DENND1A: variants seen among roughly 807,000 people sequenced by gnomAD.
DENND1A encodes DENN domain-containing protein 1A.
Under a neutral mutation model 113.7 loss-of-function variants are expected in DENND1A, and 51 were observed. The observed-to-expected ratio is 0.45, with a 90% CI of 0.36 to 0.57. DENND1A has a LOEUF of 0.57. Ranked by LOEUF, DENND1A falls within the 20% of genes least tolerant of loss-of-function variation. The pLI is 0.00. For missense variants in DENND1A, 1,258 were observed against 1,395.9 expected (o/e 0.90, Z 1.57); for synonymous variants, 565 against 570.8 (o/e 0.99, Z 0.14).
chr9:123,709,900 C>G (rs746031550), intron 5 of DENND1A, among the ~76,000 whole-genome samples: 3 of 152,116 alleles, frequency 2.0e-5, no homozygotes, highest in Non-Finnish European at 4.4e-5. Flanking sequence ...AATATTGGTT[C>G]GGCAACCACT....
At position 123,733,321 on chromosome 9, in the gene DENND1A, C is replaced by A. The variant is rs570385660; in HGVS notation, c.302+24382G>T. ...TAAAGACAGGATCTGACTCTGTTGC[C>A]CAGGCTGGAGTGCAGTGGTGTGATC... On this transcript the variant is annotated intron_variant, in intron 5 of 23. Coordinates refer to ENST00000394215, the MANE Select transcript of DENND1A (RefSeq NM_001352964.2). 1.4e-4 allele frequency among the ~76,000 whole-genome samples: 22 copies of A among 152,184 alleles called. No individual in the cohort carries two copies. The South Asian group carries it at 4.4e-3, about 30-fold the overall frequency.
chr9:123,459,052 G>A (rs539976071), intron 13 of DENND1A, among the ~76,000 whole-genome samples: 35 of 152,252 alleles, frequency 2.3e-4, no homozygotes, highest in African/African-American at 7.7e-4. Flanking sequence ...GTGCCTGTAA[G>A]CCCAGCTACT....
chr9:123,857,088 A>G (rs1564398683), intron 2 of DENND1A, among the ~76,000 whole-genome samples: 1 of 152,102 alleles, frequency 6.6e-6, no homozygotes, highest in African/African-American at 2.4e-5. Flanking sequence ...ACACCACCAT[A>G]GCAATGAACA....
intron 19 of DENND1A, among the ~76,000 whole-genome samples, chr9:123,421,417 A>G (rs1056489086): frequency 1.3e-5 from 2 of 152,046 alleles, no homozygotes; most frequent in African/African-American, 4.8e-5. Flanking sequence ...GACCCGACAT[A>G]CCAACAGCAG....
chr9:123,660,259 C>T (rs2063164192), intron 8 of DENND1A, among the ~76,000 whole-genome samples: 1 of 152,090 alleles, frequency 6.6e-6, no homozygotes, highest in South Asian at 2.1e-4. Flanking sequence ...ATTGGTATCA[C>T]CATTCTGCTT....
At chr9:123,652,629 C>A (rs1438254477) in intron 8 of DENND1A, among the ~76,000 whole-genome samples, 2 of 152,196 alleles carry the variant, frequency 1.3e-5, no homozygotes, top group Admixed American at 6.5e-5. Context: ...GCAGGAGATG[C>A]CACCCACGAA....
chr9:123,840,896 C>T (rs991075630), intron 2 of DENND1A, among the ~76,000 whole-genome samples: 1 of 152,130 alleles, frequency 6.6e-6, no homozygotes, highest in Non-Finnish European at 1.5e-5. Flanking sequence ...TTTATTGCCT[C>T]ATTTTACAAT....
In DENND1A at chr9:123,818,346, C is replaced by T. The variant is rs559840530; in HGVS notation, c.89-25716G>A. On this transcript the variant is annotated intron_variant, in intron 2 of 23. Coordinates refer to ENST00000394215, the MANE Select transcript of DENND1A (RefSeq NM_001352964.2). ...GTCTTGATCTCCTGACCTTATGATC[C>T]GCCCGCCTAGGCCTCTCAAAGTGCT... 5.9e-5 allele frequency among the ~76,000 whole-genome samples: 9 copies of T among 152,092 alleles called. No homozygotes were observed. The East Asian group carries it at 1.6e-3, about 26-fold the overall frequency.
intron 5 of DENND1A, among the ~76,000 whole-genome samples, chr9:123,701,951 A>G (rs1340972299): frequency 6.6e-6 from 1 of 152,234 alleles, no homozygotes; most frequent in Admixed American, 6.5e-5. Flanking sequence ...CTAAACAGAC[A>G]AAATGAGGTA....
At chr9:123,605,640 G>A (rs2060121813) in intron 11 of DENND1A, among the ~76,000 whole-genome samples, 2 of 152,216 alleles carry the variant, frequency 1.3e-5, no homozygotes, top group Non-Finnish European at 2.9e-5. Flanking sequence ...GTATACACTT[G>A]TCACTTTGGG....
intron 1 of DENND1A, 121 bp from the exon 2 acceptor site, chr9:123,879,142 G>C (rs1253413771): frequency 4.4e-6 from 4 of 916,922 alleles, no homozygotes; most frequent in Non-Finnish European, 5.0e-6. Flanking sequence ...AATGGCCGTG[G>C]AACTTTGGAC....
chr9:123,803,955 T>C (rs1207633244), intron 2 of DENND1A, among the ~76,000 whole-genome samples: 1 of 152,238 alleles, frequency 6.6e-6, no homozygotes, highest in Admixed American at 6.5e-5. Context: ...ACATCAATTA[T>C]CAATCTTTAG....
intron 5 of DENND1A, among the ~76,000 whole-genome samples, chr9:123,686,134 A>C (rs948436963): frequency 3.3e-5 from 5 of 152,192 alleles, no homozygotes; most frequent in African/African-American, 1.2e-4. Flanking sequence ...AGAGAGTAGA[A>C]GCTAATGCAG....
At chr9:123,849,046 G>A (rs1177179009) in intron 2 of DENND1A, among the ~76,000 whole-genome samples, 1 of 152,200 alleles carries the variant, frequency 6.6e-6, no homozygotes, top group Non-Finnish European at 1.5e-5. Context: ...GCAAATCCTG[G>A]TGCAGAAGCT....
rs1209035132 is a variant in DENND1A, at chr9:123,597,156, C to T, written c.765+12280G>A. Among the ~76,000 whole-genome samples the T allele has an allele frequency of 2.0e-5, 3 of 152,224 alleles. No individual in the cohort carries two copies. The South Asian group carries it at 6.2e-4, about 32-fold the overall frequency. On this transcript the variant is annotated intron_variant, in intron 11 of 23. Transcript: ENST00000394215. ...CATCACTAAGCACTGCAAAGCCCGA[C>T]TCCCATCTCCACCTGCCTTTTATTT...
Position 123,440,363 on chromosome 9 carries a change from T to C in DENND1A, c.1485A>G (p.Gly495=). 1 of 1,599,700 alleles carries C rather than the reference T, an allele frequency of 6.3e-7. No homozygotes were observed. The highest frequency in any genetic ancestry group is 8.5e-7 in the Non-Finnish European group (1 of 1,174,870). Residue 495 remains glycine (G), a synonymous_variant, in exon 19 of 24, where the codon GGA becomes GGG. Coordinates refer to ENST00000394215, the MANE Select transcript of DENND1A (RefSeq NM_001352964.2). ...EDRRPITVHF[G]QLQRLRPTRP... is the part of the protein sequence containing the mutation. Reference sequence around the variant, plus strand: ...GTAGGAGGGCCAGGGTACACACCTGTCCAAAGTGGACTGTGATTGGCCGCC... The same window carrying C: ...GTAGGAGGGCCAGGGTACACACCTGCCCAAAGTGGACTGTGATTGGCCGCC...
At chr9:123,506,598 A>AAG (rs1435335748) in intron 13 of DENND1A, among the ~76,000 whole-genome samples, 3 of 151,484 alleles carry the variant, frequency 2.0e-5, no homozygotes, top group Admixed American at 6.6e-5. Context: ...AAAAAAAAAA[A>AAG]AAAAAAGAAT....
chr9:123,457,254 A>G, intron 15 of DENND1A, 94 bp downstream of exon 15: 1 of 942,102 alleles, frequency 1.1e-6, no homozygotes, highest in Admixed American at 1.8e-5. Flanking sequence ...CCTAAGCCCC[A>G]ATAAAGGAAA....
At chr9:123,561,397 G>C (rs2057746937) in intron 12 of DENND1A, among the ~76,000 whole-genome samples, 2 of 152,188 alleles carry the variant, frequency 1.3e-5, no homozygotes, top group African/African-American at 2.4e-5. Flanking sequence ...GACCACTTAG[G>C]CCAGGACTTC....
Sources: allele counts gnomAD v4.1 joint callset (sites outside exome capture counted in the v4.1 genomes callset), GRCh38; gene constraint gnomAD v4.1.1; transcripts MANE v1.5; gene names NCBI Gene and HGNC (gene_info 2026-07-23, HGNC 2026-07-21).